Variants in ESR1 observed in about 807,000 individuals in gnomAD.
ESR1 encodes estrogen receptor.
In ESR1, 12 loss-of-function variants were observed where a neutral mutation model predicts 52.7. That is an observed-to-expected ratio of 0.23 (90% CI 0.15 to 0.37). The LOEUF (loss-of-function observed/expected upper bound fraction) is 0.37. Ranked by LOEUF, ESR1 falls within the 10% of genes least tolerant of loss-of-function variation. The pLI is 1.00. For missense variants in ESR1, 584 were observed against 779.7 expected (o/e 0.75, Z 2.99); for synonymous variants, 305 against 316.8 (o/e 0.96, Z 0.39).
chr6:151,779,874 T>G (rs1485126328), intron 2 of ESR1, among the ~76,000 whole-genome samples: 2 of 110,474 alleles, frequency 1.8e-5, no homozygotes, highest in East Asian at 4.7e-4. Context: ...CACTCCACCC[T>G]GGGCGACAGA....
chr6:151,748,860 T>C (rs1360593829), intron 2 of ESR1, among the ~76,000 whole-genome samples: 1 of 152,080 alleles, frequency 6.6e-6, no homozygotes, highest in Non-Finnish European at 1.5e-5. Context: ...GGCATAGAGA[T>C]TGTATCTAAA....
intron 5 of ESR1, among the ~76,000 whole-genome samples, chr6:152,038,008 A>G (rs979786077): frequency 2.6e-5 from 4 of 152,338 alleles, no homozygotes; most frequent in Non-Finnish European, 4.4e-5. Context: ...ACAATAGGCC[A>G]TCTGCAAGCT....
intron 2 of ESR1, among the ~76,000 whole-genome samples, chr6:151,784,656 A>C (rs1166114083): frequency 1.3e-5 from 2 of 152,216 alleles, no homozygotes; most frequent in African/African-American, 4.8e-5. Flanking sequence ...CCTGCATTGC[A>C]ACCAGTGTTA....
intron 2 of ESR1, among the ~76,000 whole-genome samples, chr6:151,788,412 A>T (rs1392693556): frequency 6.6e-6 from 1 of 152,254 alleles, no homozygotes; most frequent in Non-Finnish European, 1.5e-5. Context: ...ATACCATCTC[A>T]CACCAATCAG....
At chr6:151,882,144 C>G (rs9478251) in intron 3 of ESR1, among the ~76,000 whole-genome samples, 18,066 of 151,924 alleles carry the variant, frequency 0.12, 2,196 homozygotes, top group African/African-American at 0.3. Flanking sequence ...TACTGGGACG[C>G]AGGAGGAAGG....
chr6:151,987,236 G>A (rs2040574211), intron 4 of ESR1, among the ~76,000 whole-genome samples: 1 of 151,934 alleles, frequency 6.6e-6, no homozygotes, highest in African/African-American at 2.4e-5. Context: ...CTCTCTTTCA[G>A]GAATTCACCA....
At chr6:151,673,832 T>C (rs7769391) in intron 1 of ESR1, among the ~76,000 whole-genome samples, 36,167 of 151,906 alleles carry the variant, frequency 0.24, 5,608 homozygotes, top group African/African-American at 0.45. Context: ...CAGTGAGCCA[T>C]GATTATGGCA....
chr6:151,995,845 T>TA (rs2128727489), intron 4 of ESR1, among the ~76,000 whole-genome samples: 1 of 152,302 alleles, frequency 6.6e-6, no homozygotes, highest in East Asian at 1.9e-4. Context: ...ACTTTATACT[T>TA]ACTGATTTCT....
intron 6 of ESR1, among the ~76,000 whole-genome samples, chr6:152,067,077 A>G (rs1173765214): frequency 6.6e-6 from 1 of 152,220 alleles, no homozygotes; most frequent in African/African-American, 2.4e-5. Context: ...CAGGTAATAA[A>G]TAAATCCCTG....
chr6:152,044,208 C>T (rs1294178645), intron 5 of ESR1, among the ~76,000 whole-genome samples: 1 of 152,130 alleles, frequency 6.6e-6, no homozygotes, highest in African/African-American at 2.4e-5. Flanking sequence ...ATTTATTTTG[C>T]ATAACTCTCT....
intron 4 of ESR1, among the ~76,000 whole-genome samples, chr6:152,001,747 G>A (rs1029906090): frequency 5.9e-5 from 9 of 152,026 alleles, no homozygotes; most frequent in African/African-American, 1.4e-4. Flanking sequence ...TGGGGTGGAA[G>A]ACACTGAAAT....
At chr6:151,909,386 G>C (rs893182441) in intron 3 of ESR1, among the ~76,000 whole-genome samples, 1 of 152,206 alleles carries the variant, frequency 6.6e-6, no homozygotes, top group Admixed American at 6.5e-5. Flanking sequence ...TGGGTAGAGA[G>C]ACTCTAGAGC....
rs563655500 is a variant in ESR1 at position 152,001,827 on chromosome 6, T to C, written c.1097-9829T>C. 9.9e-5 allele frequency among the ~76,000 whole-genome samples: 15 copies of C among 152,040 alleles called. 1 individual carries two copies. In the South Asian group the frequency reaches 3.1e-3, roughly 32 times the overall value. ...CTGAAATTTGTGTAGGATAATGGAA[T>C]GAATATGGGAGATAGGGAACTATAG... On this transcript the variant is annotated intron_variant, in intron 4 of 7. Transcript: ENST00000206249.
At chr6:151,841,104 C>T (rs950931161) in intron 1 of ESR1, among the ~76,000 whole-genome samples, 1 of 152,124 alleles carries the variant, frequency 6.6e-6, no homozygotes, top group South Asian at 2.1e-4. Context: ...GTTTTTAATC[C>T]CAACTCCTCT....
upstream of ESR1, among the ~76,000 whole-genome samples, chr6:151,686,005 A>G (rs1247096963): frequency 1.3e-5 from 2 of 149,724 alleles, no homozygotes; most frequent in Non-Finnish European, 3.0e-5. Context: ...TTCTCCCACC[A>G]CAGCCTCCAG....
rs983519502 is a variant in ESR1 at position 152,085,957 on chromosome 6, T to G, written c.1370-8428T>G. Among the ~76,000 whole-genome samples, 15 of 152,300 alleles carry G rather than the reference T, an allele frequency of 9.8e-5. No homozygotes were observed. In the East Asian group the frequency reaches 1.4e-3, roughly 14 times the overall value. ...TGCAAGAGAGGCTTCCTGCTCTGCA[T>G]TGTGGCTTAATTATTGTTGAAATAC... On this transcript the variant is annotated intron_variant, in intron 6 of 7. Transcript: ENST00000206249.
intron 3 of ESR1, among the ~76,000 whole-genome samples, chr6:151,906,486 A>G (rs1797479299): frequency 6.6e-6 from 1 of 151,822 alleles, no homozygotes; most frequent in African/African-American, 2.4e-5. Flanking sequence ...AATGAACTAC[A>G]CAATTATTAA....
At chr6:151,792,111 T>A (rs1776218758) in intron 2 of ESR1, among the ~76,000 whole-genome samples, 1 of 152,232 alleles carries the variant, frequency 6.6e-6, no homozygotes, top group Non-Finnish European at 1.5e-5. Flanking sequence ...TCCTGAATAC[T>A]GCGGCAACTA....
intron 3 of ESR1, among the ~76,000 whole-genome samples, chr6:151,908,717 C>G (rs906925816): frequency 4.6e-5 from 7 of 151,796 alleles, no homozygotes; most frequent in Non-Finnish European, 7.4e-5. Context: ...GAGACAGCGC[C>G]AAATAAGGAG....
Sources: allele counts gnomAD v4.1 joint callset (sites outside exome capture counted in the v4.1 genomes callset), GRCh38; gene constraint gnomAD v4.1.1; transcripts MANE v1.5; gene names NCBI Gene and HGNC (gene_info 2026-07-23, HGNC 2026-07-21).